The following ADD3 variants were observed in gnomAD, a reference collection of about 807,000 sequenced individuals.
ADD3 encodes adducin 3.
A neutral mutation model predicts 80.2 loss-of-function variants in ADD3; 25 were observed. The ratio of observed to expected loss-of-function variants is 0.31; its 90% CI spans 0.23 to 0.44. The LOEUF (loss-of-function observed/expected upper bound fraction) is 0.44. Among genes scored for constraint, ADD3 ranks in the 20% least tolerant of loss-of-function variants. The probability of loss-of-function intolerance (pLI) is 1.00; values close to 1 mark genes in which losing one functional copy is unlikely to be tolerated. For missense variants in ADD3, 829 were observed against 847.5 expected (o/e 0.98, Z 0.27); for synonymous variants, 284 against 289.6 (o/e 0.98, Z 0.20).
intron 3 of ADD3, 58 bp downstream of exon 3, chr10:110,112,973 A>G (rs768294483): frequency 8.7e-5 from 135 of 1,553,626 alleles, no homozygotes; most frequent in Non-Finnish European, 1.1e-4. Context: ...TTGGACCACT[A>G]TACATCTCTA....
At position 110,133,571 on chromosome 10, in the gene ADD3, CCTT is replaced by C. The variant is rs761656507; in HGVS notation, c.2078_2080del (p.Ser693del). On this transcript the variant is annotated inframe_deletion, in exon 15 of 15. Transcript: ENST00000356080. ...CAAGAAAAAGAAGAAATTCCGCACTCCTTCTTTTCTGAAAAAGAACAAAAAAAA... is the reference window on the plus strand; with the variant it reads ...CAAGAAAAAGAAGAAATTCCGCACTCCTTTTCTGAAAAAGAACAAAAAAAA... 15 of 1,597,376 alleles carry C rather than the reference CCTT, an allele frequency of 9.4e-6. No homozygotes were observed. The highest frequency in any genetic ancestry group is 8.1e-5 in the African/African-American group (6 of 73,766).
rs142784615 is a variant in ADD3, at chr10:110,043,865, A to G, written c.-30+35566A>G. Reference sequence around the variant, plus strand: ...GCTGTGGTAGCTCAAAGGAAATACTATTTTTGGGTTGAGAGGAGTGAAAAT... The same window carrying G: ...GCTGTGGTAGCTCAAAGGAAATACTGTTTTTGGGTTGAGAGGAGTGAAAAT... On this transcript the variant is annotated intron_variant, in intron 1 of 14. Coordinates refer to ENST00000356080, the MANE Select transcript of ADD3 (RefSeq NM_016824.5). 1.6e-4 allele frequency among the ~76,000 whole-genome samples: 24 copies of G among 152,244 alleles called. No individual in the cohort carries two copies. In the East Asian group the frequency reaches 3.3e-3, roughly 21 times the overall value.
chr10:110,052,800 CAAATGAAAGGAA>C (rs1857672837), intron 1 of ADD3, among the ~76,000 whole-genome samples: 3 of 152,096 alleles, frequency 2.0e-5, no homozygotes, highest in African/African-American at 7.2e-5. Context: ...GTCAGTGACT[CAAATGAAAGGAA>C]CTAAGGTCCA....
At chr10:110,110,549 A>G (rs892221697) in intron 2 of ADD3, among the ~76,000 whole-genome samples, 2 of 152,080 alleles carry the variant, frequency 1.3e-5, no homozygotes, top group African/African-American at 2.4e-5. Flanking sequence ...AACTATTAGC[A>G]CCCAGCTCTT....
At chr10:110,054,537 G>T (rs1353487448) in intron 1 of ADD3, among the ~76,000 whole-genome samples, 1 of 149,330 alleles carries the variant, frequency 6.7e-6, no homozygotes, top group East Asian at 2.0e-4. Context: ...CACCTCCCAG[G>T]TTCAAGTGAT....
intron 1 of ADD3, among the ~76,000 whole-genome samples, chr10:110,065,539 C>CTGTTTTTTTTTTTTTTTTTTTTTTTT (rs1843811638): frequency 6.4e-5 from 2 of 31,186 alleles, no homozygotes; most frequent in South Asian, 1.2e-3. Context: ...TCTCTCTCCC[C>CTGTTTTTTTTTTTTTTTTTTTTTTTT]TTTTTTTTTT....
intron 10 of ADD3, among the ~76,000 whole-genome samples, chr10:110,124,977 T>C (rs1851966986): frequency 6.6e-6 from 1 of 152,222 alleles, no homozygotes; most frequent in African/African-American, 2.4e-5. Context: ...GTATTTTATA[T>C]GTGGCCCAAG....
At chr10:110,104,111 T>G (rs1849150600) in intron 2 of ADD3, among the ~76,000 whole-genome samples, 1 of 152,218 alleles carries the variant, frequency 6.6e-6, no homozygotes, top group South Asian at 2.1e-4. Context: ...TAAAGATTCA[T>G]GTTATCTGCT....
rs7074662 is a variant in ADD3, at chr10:110,059,550, C to T, written c.-29-41075C>T. On this transcript the variant is annotated intron_variant, in intron 1 of 14. Coordinates refer to ENST00000356080, the MANE Select transcript of ADD3 (RefSeq NM_016824.5). ...AGCCAAGGCAGGCAGATCACGAGGT[C>T]AGGAGTTCGAGAACAGCCTGGCCAC... Among the ~76,000 whole-genome samples, 697 of 151,728 alleles carry T rather than the reference C, an allele frequency of 4.6e-3. 8 individuals are homozygous for T. The highest frequency in any genetic ancestry group is 0.015 in the African/African-American group (630 of 41,332).
At chr10:110,123,313 T>C (rs1039023770) in intron 9 of ADD3, among the ~76,000 whole-genome samples, 1 of 152,242 alleles carries the variant, frequency 6.6e-6, no homozygotes, top group Admixed American at 6.5e-5. Context: ...ACAATGGCTA[T>C]ACTAATTTAC....
chr10:110,036,418 C>T (rs1470841753), intron 1 of ADD3, among the ~76,000 whole-genome samples: 3 of 126,656 alleles, frequency 2.4e-5, no homozygotes, highest in African/African-American at 6.4e-5. Context: ...CTTGCTCTGT[C>T]GCCCGGGCTG....
At chr10:110,076,327 A>T (rs1399140146) in intron 1 of ADD3, among the ~76,000 whole-genome samples, 1 of 152,220 alleles carries the variant, frequency 6.6e-6, no homozygotes, top group Non-Finnish European at 1.5e-5. Context: ...ATTTATACAT[A>T]CTGTGGAAAA....
In ADD3 at chr10:110,000,150, C is replaced by T. The variant is rs1851457456; in HGVS notation, n.79+3704C>T. On this transcript the variant is annotated intron_variant and non_coding_transcript_variant, in intron 1 of 5. Coordinates refer to the ADD3 transcript ENST00000468251. ...GGCCAGGCTGGTCTTGAACTCCTGA[C>T]CTCAGGTGATCCGCCCACCTTGGCC... is the stretch of plus-strand genomic sequence containing the variant. Among the ~76,000 whole-genome samples, 4 of 152,250 alleles carry T rather than the reference C, an allele frequency of 2.6e-5. No individual in the cohort carries two copies. In the South Asian group the frequency reaches 8.3e-4, roughly 32 times the overall value.
At chr10:110,089,503 C>T (rs1847209192) in intron 1 of ADD3, among the ~76,000 whole-genome samples, 1 of 152,012 alleles carries the variant, frequency 6.6e-6, no homozygotes, top group Non-Finnish European at 1.5e-5. Context: ...GTTTCTCAAC[C>T]ATTTTCCAAA....
At chr10:110,063,726 ATATATATTCAT>A (rs1461522463) in intron 1 of ADD3, among the ~76,000 whole-genome samples, 29 of 115,026 alleles carry the variant, frequency 2.5e-4, no homozygotes, top group African/African-American at 3.5e-4. Flanking sequence ...GAATATGAAT[ATATATATTCAT>A]TATATATATA....
chr10:110,090,571 G>A (rs1847376740), intron 1 of ADD3, among the ~76,000 whole-genome samples: 1 of 152,160 alleles, frequency 6.6e-6, no homozygotes, highest in Non-Finnish European at 1.5e-5. Flanking sequence ...TATGAACAAT[G>A]TGTGTGTTAT....
At chr10:110,044,446 C>T (rs1428186263) in intron 1 of ADD3, among the ~76,000 whole-genome samples, 2 of 152,140 alleles carry the variant, frequency 1.3e-5, no homozygotes, top group Admixed American at 6.5e-5. Context: ...AGAGATGAAT[C>T]AACTAGGAAC....
intron 1 of ADD3, among the ~76,000 whole-genome samples, chr10:110,042,333 G>T (rs1341150358): frequency 1.3e-5 from 2 of 152,104 alleles, no homozygotes; most frequent in East Asian, 3.8e-4. Flanking sequence ...GTCAGCGAAG[G>T]CAGTGGTAGT....
rs559890329 is a variant in ADD3 at position 110,098,156 on chromosome 10, T to G, written c.-29-2469T>G. On this transcript the variant is annotated intron_variant, in intron 1 of 14. Coordinates refer to ENST00000356080, the MANE Select transcript of ADD3 (RefSeq NM_016824.5). ...TACAATGATCCTCAATTTAAGGCAGTCAATTGATTTGATTCAGAGGAGCCT... is the reference window on the plus strand; with the variant it reads ...TACAATGATCCTCAATTTAAGGCAGGCAATTGATTTGATTCAGAGGAGCCT... 7.9e-4 allele frequency among the ~76,000 whole-genome samples: 120 copies of G among 152,306 alleles called. 1 individual carries two copies. Among genetic ancestry groups the G allele is most frequent in the African/African-American group, 2.8e-3 (117 of 41,566 alleles).
Sources: allele counts gnomAD v4.1 joint callset (sites outside exome capture counted in the v4.1 genomes callset), GRCh38; gene constraint gnomAD v4.1.1; transcripts MANE v1.5; gene names NCBI Gene and HGNC (gene_info 2026-07-23, HGNC 2026-07-21).